Variants in ZC3H7B observed in about 807,000 individuals in gnomAD.
ZC3H7B encodes zinc finger CCCH-type containing 7B, also known as zinc finger CCCH domain-containing protein 7B.
A neutral mutation model predicts 116.0 loss-of-function variants in ZC3H7B; 35 were observed. The observed-to-expected ratio is 0.30, with a 90% confidence interval of 0.23 to 0.40. ZC3H7B has a LOEUF of 0.40. Ranked by LOEUF, ZC3H7B falls within the 10% of genes least tolerant of loss-of-function variation. ZC3H7B has a pLI of 1.00. For synonymous variants in ZC3H7B, 502 were observed against 545.6 expected, an observed-to-expected ratio of 0.92 and a Z score of 1.11; for missense variants, 1,011 against 1,321.5, an observed-to-expected ratio of 0.77 and a Z score of 3.64.
rs1201605906 is a variant in ZC3H7B, at chr22:41,325,231, GGCTGGGGCTGTCTGGGTTGGGGCTGGA to G, written c.54-321_54-295del. Among the ~76,000 whole-genome samples, 3 of 152,222 alleles carry G rather than the reference GGCTGGGGCTGTCTGGGTTGGGGCTGGA, an allele frequency of 2.0e-5. No homozygotes were observed. The East Asian group carries it at 5.8e-4, about 29-fold the overall frequency. On this transcript the variant is annotated intron_variant, in intron 2 of 22. Coordinates refer to ENST00000352645, the MANE Select transcript of ZC3H7B (RefSeq NM_017590.6). ...CTGAGCTGGGCTAGGACTGGCTTGG[GGCTGGGGCTGTCTGGGTTGGGGCTGGA>G]GCTGGGGCTGTGGCTGGAAGTGGGG...
Position 41,356,626 on chromosome 22 carries a change from A to C in ZC3H7B, c.2518-19A>C, listed in dbSNP as rs768406965. ...CAGAGGTGTGGGGGAGCAGGCACCC[A>C]TGATGGCTGTGCTCCCAGATGGGCT... is the stretch of plus-strand genomic sequence containing the variant. On this transcript the variant is annotated intron_variant, in intron 21 of 22. Transcript: ENST00000352645. 6 of 1,613,020 alleles carry C rather than the reference A, an allele frequency of 3.7e-6. No individual in the cohort carries two copies. The highest frequency in any genetic ancestry group is 3.3e-5 in the South Asian group (3 of 91,080).
intron 17 of ZC3H7B, among the ~76,000 whole-genome samples, chr22:41,352,538 G>A (rs770282405): frequency 7.2e-5 from 11 of 152,146 alleles, no homozygotes; most frequent in Middle Eastern, 3.2e-3. Context: ...TGAGGCGGGC[G>A]GGTCACGAGG....
intron 15 of ZC3H7B, 132 bp from the exon 16 acceptor site, chr22:41,348,988 A>T (rs2036623231): frequency 2.0e-6 from 2 of 1,005,014 alleles, no homozygotes; most frequent in Non-Finnish European, 2.9e-6. Context: ...TGTGTCATCC[A>T]TGGCCTGGAT....
At chr22:41,313,061 T>G (rs925360625) in intron 1 of ZC3H7B, among the ~76,000 whole-genome samples, 1 of 152,144 alleles carries the variant, frequency 6.6e-6, no homozygotes, top group Admixed American at 6.6e-5. Flanking sequence ...AATGGGGGTT[T>G]GTTTTCTCAC....
rs1256129866 is a variant in ZC3H7B at position 41,358,238 on chromosome 22, T to G, written c.*809T>G. On this transcript the variant is annotated 3_prime_UTR_variant, in exon 23 of 23. Transcript: ENST00000352645. ...GGCTGAAAAGACTCAGGGCCAATTA[T>G]TGGCTGAGCCCACGGTCCCCTCAGC... The G allele has an allele frequency of 6.6e-6, 1 of 152,002 alleles. No homozygotes were observed. Among genetic ancestry groups the G allele is most frequent in the Non-Finnish European group, 1.5e-5 (1 of 68,020 alleles). The allele number at this position is 152,002 out of a possible 1,614,324, so 9.4% of individuals were successfully genotyped here.
rs749728574 is a variant in ZC3H7B, at chr22:41,342,660, G to T, written c.1297+32G>T. The T allele has an allele frequency of 4.4e-6, 7 of 1,574,686 alleles. No homozygotes were observed. In the Admixed American group the frequency reaches 5.2e-5, roughly 12 times the overall value. On this transcript the variant is annotated intron_variant, in intron 12 of 22. Coordinates refer to ENST00000352645, the MANE Select transcript of ZC3H7B (RefSeq NM_017590.6). ...TTTCACCTGTAGACTCCACCCCTCT[G>T]CCCAGAGAACTGGGAATCTCAGGAA... is the stretch of plus-strand genomic sequence containing the variant.
At chr22:41,353,533 G>C (rs1361180398) in intron 17 of ZC3H7B, among the ~76,000 whole-genome samples, 1 of 152,238 alleles carries the variant, frequency 6.6e-6, no homozygotes, top group Non-Finnish European at 1.5e-5. Flanking sequence ...GCTCAGAGGG[G>C]TGGGCACAGC....
In ZC3H7B at chr22:41,348,053, C is replaced by T. The variant is rs374738201; in HGVS notation, c.1666-14C>T. On this transcript the variant is annotated splice_polypyrimidine_tract_variant and intron_variant, in intron 14 of 22. Coordinates refer to ENST00000352645, the MANE Select transcript of ZC3H7B (RefSeq NM_017590.6). The stretch of plus-strand genomic sequence containing the variant: ...TGGCCATGCCAGGTCCCAGCCCTTC[C>T]CCTCCCTGGGCAGATCTGCTTTGAC... 6.2e-7 allele frequency: 1 copy of T among 1,612,992 alleles called. No individual in the cohort carries two copies. The highest frequency in any genetic ancestry group is 1.3e-5 in the African/African-American group (1 of 74,932).
chr22:41,336,999 G>A (rs866896515), intron 7 of ZC3H7B, among the ~76,000 whole-genome samples: 2 of 152,198 alleles, frequency 1.3e-5, no homozygotes, highest in Middle Eastern at 3.4e-3. Context: ...AGCCAGGCAT[G>A]GTGGCGCATG....
At chr22:41,350,158 G>T (rs1039930253) in intron 16 of ZC3H7B, among the ~76,000 whole-genome samples, 1 of 152,160 alleles carries the variant, frequency 6.6e-6, no homozygotes. Context: ...GGCGGGGAGT[G>T]CATTCCAGAA....
chr22:41,345,194 C>T (rs955501098), intron 13 of ZC3H7B, among the ~76,000 whole-genome samples: 11 of 152,180 alleles, frequency 7.2e-5, no homozygotes, highest in Admixed American at 2.6e-4. Context: ...AGCTGAGGCT[C>T]GGGGAGTAAT....
intron 15 of ZC3H7B, 74 bp downstream of exon 15, chr22:41,348,241 AGGAAAGGCTGAACTGAAAG>A: frequency 7.3e-7 from 1 of 1,364,898 alleles, no homozygotes; most frequent in Non-Finnish European, 1.0e-6. Context: ...CAGATGGCTG[AGGAAAGGCTGAACTGAAAG>A]GGTGGATGTA....
At chr22:41,309,007 G>GTTTTTTTTT (rs1446352722) in intron 1 of ZC3H7B, among the ~76,000 whole-genome samples, 14 of 93,816 alleles carry the variant, frequency 1.5e-4, no homozygotes, top group South Asian at 4.2e-4. Context: ...CTCCCAGTCT[G>GTTTTTTTTT]CTTTTTTTTT....
At chr22:41,325,435 A>C (rs1328404175) in intron 2 of ZC3H7B, 129 bp from the exon 3 acceptor site, 2 of 1,270,704 alleles carry the variant, frequency 1.6e-6, no homozygotes, top group Non-Finnish European at 2.2e-6. Flanking sequence ...TTAGGAGAAG[A>C]AAACCGCAGT....
At chr22:41,313,880 G>A (rs1183207332) in intron 1 of ZC3H7B, among the ~76,000 whole-genome samples, 1 of 151,676 alleles carries the variant, frequency 6.6e-6, no homozygotes, top group Admixed American at 6.6e-5. Context: ...CCAAGTAGCT[G>A]GGACTACAGG....
At position 41,355,849 on chromosome 22, in the gene ZC3H7B, C is replaced by A; in HGVS notation, c.2261C>A (p.Pro754Gln). 6.2e-7 allele frequency: 1 copy of A among 1,613,788 alleles called. No individual in the cohort carries two copies. The highest frequency in any genetic ancestry group is 8.5e-7 in the Non-Finnish European group (1 of 1,180,002). Residue 754 changes from proline to glutamine, a missense_variant, in exon 19 of 23, where the codon CCA (proline) becomes CAA (glutamine). Transcript: ENST00000352645. ...CCACTGCCATCCATTCGTAACTTCC[C>A]ACAGCAATACGATGTGAGCGCTGGG... Reference protein sequence around the residue: ...VRPLPSIRNFPQQYDLCIHAQ... With the variant: ...VRPLPSIRNFQQQYDLCIHAQ...
intron 14 of ZC3H7B, 88 bp from the exon 15 acceptor site, chr22:41,347,979 G>GT: frequency 8.7e-7 from 1 of 1,155,414 alleles, no homozygotes; most frequent in Non-Finnish European, 1.3e-6. Flanking sequence ...GGACCCAGCT[G>GT]TCCTTCCCCA....
intron 17 of ZC3H7B, among the ~76,000 whole-genome samples, chr22:41,355,066 G>A (rs1293510330): frequency 1.3e-5 from 2 of 152,236 alleles, no homozygotes; most frequent in East Asian, 1.9e-4. Context: ...TCCGGGGCAG[G>A]CTTCCCACAG....
At chr22:41,310,258 C>A (rs1569229651) in intron 1 of ZC3H7B, among the ~76,000 whole-genome samples, 2 of 152,156 alleles carry the variant, frequency 1.3e-5, no homozygotes, top group Non-Finnish European at 2.9e-5. Context: ...TGTGAGTGCT[C>A]TCTACAGCAC....
Sources: gnomAD v4.1 joint callset for allele counts (sites outside exome capture counted in the v4.1 genomes callset) on GRCh38, gnomAD v4.1.1 for gene constraint, MANE v1.5 for transcripts, NCBI Gene and HGNC (gene_info 2026-07-23, HGNC 2026-07-21) for gene names.